Variants in ACER1 observed in about 807,000 individuals in gnomAD.
ACER1 encodes CTB-180A7.3.
ACER1 carries 28 observed loss-of-function variants against 24.9 expected under a neutral mutation model. That is an observed-to-expected ratio of 1.13 (90% CI 0.83 to 1.54). ACER1 has a LOEUF of 1.54. Ranked by LOEUF, ACER1 falls within the 40% of genes most tolerant of loss-of-function variation. The pLI, the probability that ACER1 is intolerant of heterozygous loss-of-function variation, is 0.00. For missense variants in ACER1, 352 were observed against 349.3 expected, an observed-to-expected ratio of 1.01 and a Z score of -0.06; for synonymous variants, 132 against 131.4, an observed-to-expected ratio of 1.00 and a Z score of -0.03.
the ACER1 span, among the ~76,000 whole-genome samples, chr19:6,350,757 G>A: frequency 2.0e-5 from 3 of 152,090 alleles, no homozygotes; most frequent in African/African-American, 7.2e-5. Context: ...TGTTTTCTTT[G>A]CATTTGTTTG....
chr19:6,359,742 C>G, the ACER1 span, among the ~76,000 whole-genome samples: 1 of 152,286 alleles, frequency 6.6e-6, no homozygotes, highest in East Asian at 1.9e-4. Context: ...TCTAACACAG[C>G]AATAAATCAT....
chr19:6,317,561 C>G (rs1194733488), intron 1 of ACER1, among the ~76,000 whole-genome samples: 1 of 152,172 alleles, frequency 6.6e-6, no homozygotes, highest in Admixed American at 6.5e-5. Flanking sequence ...AACACCAGCC[C>G]TTGAATATCA....
At chr19:6,306,915 C>G (rs762165447) in intron 5 of ACER1, 33 bp from the exon 6 acceptor site, 1 of 1,593,518 alleles carries the variant, frequency 6.3e-7, no homozygotes, top group Non-Finnish European at 8.6e-7. Flanking sequence ...GGCGAGGGCA[C>G]AAGATACCCA....
At chr19:6,321,562 T>G (rs114730885) in intron 1 of ACER1, among the ~76,000 whole-genome samples, 5,418 of 152,232 alleles carry the variant, frequency 0.036, 336 homozygotes, top group African/African-American at 0.12. Context: ...CCCCAGAACA[T>G]CAGCCCCACC....
chr19:6,340,233 A>G, the ACER1 span, among the ~76,000 whole-genome samples: 1 of 117,354 alleles, frequency 8.5e-6, no homozygotes, highest in South Asian at 3.4e-4. Flanking sequence ...GTCAGCCAAG[A>G]TCGCGCCACT....
the ACER1 span, among the ~76,000 whole-genome samples, chr19:6,355,633 C>T: frequency 1.5e-5 from 2 of 135,436 alleles, no homozygotes; most frequent in African/African-American, 3.0e-5. Flanking sequence ...GGGGGGTCAG[C>T]CCCCCGCCCG....
the ACER1 span, among the ~76,000 whole-genome samples, chr19:6,339,662 TTTTG>T: frequency 6.6e-6 from 1 of 152,062 alleles, no homozygotes; most frequent in Non-Finnish European, 1.5e-5. Context: ...GATTTAGGGT[TTTTG>T]TTTTTGTTTT....
Position 6,312,481 on chromosome 19 carries a change from A to T in ACER1, c.112T>A (p.Phe38Ile). The change falls in exon 2 of 6, where the codon TTC becomes ATC. Residue 38 changes from phenylalanine (F) to isoleucine (I), a missense_variant. Phe to Ile is a conservative substitution (Grantham distance 21, BLOSUM62 0). Transcript: ENST00000301452. Reference protein sequence around the residue: ...FYNTFSNIPFFIFGPLMMLLM... With the variant: ...FYNTFSNIPFIIFGPLMMLLM... ...AGCATCATCAGTGGCCCGAAGATGA[A>T]GAAGGGGATATTGGAGAACTGGAGC... The T allele has an allele frequency of 6.2e-7, 1 of 1,613,768 alleles. No individual in the cohort carries two copies. Among genetic ancestry groups the T allele is most frequent in the East Asian group, 2.2e-5 (1 of 44,862 alleles).
rs775468275 is a variant in ACER1, at chr19:6,324,860, A to AAAGGAAGGAAGGAAGGAAGG, written c.93+8579_93+8598dup. Among the ~76,000 whole-genome samples the AAAGGAAGGAAGGAAGGAAGG allele has an allele frequency of 2.1e-3, 210 of 100,316 alleles. 3 individuals are homozygous for AAAGGAAGGAAGGAAGGAAGG. The highest frequency in any genetic ancestry group is 4.4e-3 in the East Asian group (13 of 2,936). 65.8% of individuals were successfully genotyped at this position (100,316 alleles called of 152,430 possible). A position where few individuals can be genotyped will look rare whatever the true frequency, so the allele number is the denominator to read the frequency against. On this transcript the variant is annotated intron_variant, in intron 1 of 5. Coordinates refer to ENST00000301452, the MANE Select transcript of ACER1 (RefSeq NM_133492.3). ...AGGAAGGAAGGAAAGAGAGAGAGAG[A>AAAGGAAGGAAGGAAGGAAGG]AAGGAAGGAAGGAAGGAAGGAAGGA...
intron 3 of ACER1, among the ~76,000 whole-genome samples, chr19:6,310,614 C>T (rs946131234): frequency 6.6e-6 from 1 of 151,426 alleles, no homozygotes; most frequent in Non-Finnish European, 1.5e-5. Flanking sequence ...CACGGTGGCT[C>T]GTGACTGTAA....
the ACER1 span, among the ~76,000 whole-genome samples, chr19:6,348,028 G>A: frequency 7.1e-6 from 1 of 140,222 alleles, no homozygotes; most frequent in Non-Finnish European, 1.5e-5. Flanking sequence ...GGGATTGCAG[G>A]CTTGAGCCAC....
the ACER1 span, among the ~76,000 whole-genome samples, chr19:6,350,374 A>C: frequency 6.6e-6 from 1 of 152,124 alleles, no homozygotes; most frequent in Non-Finnish European, 1.5e-5. Context: ...CACGTTGTGC[A>C]CATGTACCCT....
At chr19:6,333,250 C>T (rs973457492) in intron 1 of ACER1, among the ~76,000 whole-genome samples, 1 of 152,108 alleles carries the variant, frequency 6.6e-6, no homozygotes, top group Non-Finnish European at 1.5e-5. Flanking sequence ...TCCTGGCCAC[C>T]AATGTGTCTC....
chr19:6,347,222 TTC>T, the ACER1 span, among the ~76,000 whole-genome samples: 83 of 141,856 alleles, frequency 5.9e-4, no homozygotes, highest in African/African-American at 2.1e-3. Context: ...TCTTTTCTTT[TTC>T]TTTTTTTTTT....
the ACER1 span, among the ~76,000 whole-genome samples, chr19:6,359,023 G>A: frequency 6.6e-6 from 1 of 151,668 alleles, no homozygotes; most frequent in Non-Finnish European, 1.5e-5. Flanking sequence ...CTTAAGTCCA[G>A]GAGTTCAAGA....
At chr19:6,313,561 A>G (rs1450600894) in intron 1 of ACER1, among the ~76,000 whole-genome samples, 1 of 152,236 alleles carries the variant, frequency 6.6e-6, no homozygotes, top group African/African-American at 2.4e-5. Flanking sequence ...ATAAGAATGT[A>G]AATGACATCT....
At position 6,306,682 on chromosome 19, in the gene ACER1, G is replaced by C. The variant is rs749924502; in HGVS notation, c.*32C>G. 75 of 1,574,960 alleles carry C rather than the reference G, an allele frequency of 4.8e-5. No individual in the cohort carries two copies. Among genetic ancestry groups the C allele is most frequent in the Non-Finnish European group, 6.2e-5 (72 of 1,157,014 alleles). ...CTTCTCAAGACACAGGCAAGTTGTT[G>C]GGTGGTTGGATAGTCAAGAGGCTGG... On this transcript the variant is annotated 3_prime_UTR_variant, in exon 6 of 6. Transcript: ENST00000301452.
chr19:6,355,256 A>C, the ACER1 span, among the ~76,000 whole-genome samples: 1 of 151,326 alleles, frequency 6.6e-6, no homozygotes, highest in Non-Finnish European at 1.5e-5. Context: ...CTGTCTGGGA[A>C]GTGAGGAGCG....
intron 1 of ACER1, among the ~76,000 whole-genome samples, chr19:6,323,544 C>G (rs144966088): frequency 6.6e-6 from 1 of 152,190 alleles, no homozygotes; most frequent in Non-Finnish European, 1.5e-5. Context: ...ATTGTGAGGC[C>G]TCCCCAGCCA....
Sources: gnomAD v4.1 joint callset for allele counts (sites outside exome capture counted in the v4.1 genomes callset) on GRCh38, gnomAD v4.1.1 for gene constraint, MANE v1.5 for transcripts, NCBI Gene and HGNC (gene_info 2026-07-23, HGNC 2026-07-21) for gene names.